The following DLG2 variants were observed in gnomAD, a reference collection of about 807,000 sequenced individuals.
The protein encoded by DLG2 is discs large MAGUK scaffold protein 2, also known as disks large homolog 2.
Under a neutral mutation model 132.5 loss-of-function variants are expected in DLG2, and 45 were observed. That is an observed-to-expected ratio of 0.34 (90% CI 0.27 to 0.44). The LOEUF (loss-of-function observed/expected upper bound fraction) is 0.44. Ranked by LOEUF, DLG2 falls within the 20% of genes least tolerant of loss-of-function variation. The probability of loss-of-function intolerance (pLI) is 1.00; values close to 1 mark genes in which losing one functional copy is unlikely to be tolerated. For synonymous variants in DLG2, 424 were observed against 419.6 expected (o/e 1.01, Z -0.13); for missense variants, 1,045 against 1,196.9 (o/e 0.87, Z 1.87).
chr11:85,130,633 A>C (rs2075620140), intron 5 of DLG2, among the ~76,000 whole-genome samples: 1 of 152,204 alleles, frequency 6.6e-6, no homozygotes, highest in Non-Finnish European at 1.5e-5. Context: ...GCAATAATTG[A>C]AGACAGCACC....
chr11:84,345,557 G>T (rs1309343690), intron 7 of DLG2, among the ~76,000 whole-genome samples: 1 of 152,156 alleles, frequency 6.6e-6, no homozygotes, highest in African/African-American at 2.4e-5. Flanking sequence ...CCAAGAGAAA[G>T]AGTCACATGA....
At chr11:84,869,792 G>A (rs568289569) in intron 6 of DLG2, among the ~76,000 whole-genome samples, 6 of 152,312 alleles carry the variant, frequency 3.9e-5, no homozygotes, top group Admixed American at 1.3e-4. Flanking sequence ...GGTAGAGGAC[G>A]AATAGGCAGT....
At chr11:83,715,024 T>C (rs2086362260) in intron 18 of DLG2, among the ~76,000 whole-genome samples, 1 of 152,142 alleles carries the variant, frequency 6.6e-6, no homozygotes, top group African/African-American at 2.4e-5. Context: ...ATCCAGTCAA[T>C]GATAGACTGG....
At chr11:85,532,118 C>T (rs191540497) in intron 3 of DLG2, among the ~76,000 whole-genome samples, 3 of 152,172 alleles carry the variant, frequency 2.0e-5, no homozygotes, top group Non-Finnish European at 4.4e-5. Context: ...CATAATCCCT[C>T]GCTTTTCTAG....
At chr11:83,467,810 T>TATAC (rs1414160515) in intron 25 of DLG2, among the ~76,000 whole-genome samples, 172 of 96,232 alleles carry the variant, frequency 1.8e-3, no homozygotes, top group African/African-American at 3.0e-3. Context: ...TATATATATA[T>TATAC]ACACACACAC....
chr11:84,470,999 G>T (rs2099107035), intron 7 of DLG2, among the ~76,000 whole-genome samples: 1 of 151,742 alleles, frequency 6.6e-6, no homozygotes, highest in South Asian at 2.1e-4. Context: ...ACACTGTGCT[G>T]ACTTATACAC....
At chr11:83,907,645 C>T (rs1204779808) in intron 15 of DLG2, among the ~76,000 whole-genome samples, 1 of 151,984 alleles carries the variant, frequency 6.6e-6, no homozygotes, top group Non-Finnish European at 1.5e-5. Flanking sequence ...CAGTGCTGGC[C>T]CATCAACATG....
intron 6 of DLG2, among the ~76,000 whole-genome samples, chr11:85,061,778 A>C (rs913819711): frequency 1.3e-5 from 2 of 151,900 alleles, no homozygotes; most frequent in African/African-American, 4.8e-5. Flanking sequence ...GAAATGTTAG[A>C]AAGTCTATCA....
intron 3 of DLG2, among the ~76,000 whole-genome samples, chr11:85,359,105 T>C (rs748223653): frequency 2.0e-5 from 3 of 152,230 alleles, no homozygotes; most frequent in Non-Finnish European, 4.4e-5. Context: ...GCAAAGACAT[T>C]GTTATCACAC....
intron 6 of DLG2, chr11:84,887,484 CA>C (rs1263948322): frequency 1.3e-5 from 2 of 152,108 alleles, no homozygotes; most frequent in Non-Finnish European, 2.9e-5. Flanking sequence ...AAGCTCATAA[CA>C]ACTGACATGC....
At chr11:83,601,599 C>CCT (rs1158516302) in intron 19 of DLG2, among the ~76,000 whole-genome samples, 2 of 135,558 alleles carry the variant, frequency 1.5e-5, no homozygotes, top group East Asian at 4.9e-4. Context: ...GCAACCTCTG[C>CCT]CTCCCAGGCT....
chr11:84,076,749 C>T (rs931202320), intron 10 of DLG2, among the ~76,000 whole-genome samples: 15 of 152,160 alleles, frequency 9.9e-5, no homozygotes, highest in Non-Finnish European at 1.9e-4. Flanking sequence ...AATGTAACAC[C>T]ACACTTCGCC....
chr11:84,792,501 G>A (rs1285028117), intron 6 of DLG2, among the ~76,000 whole-genome samples: 1 of 152,000 alleles, frequency 6.6e-6, no homozygotes, highest in Non-Finnish European at 1.5e-5. Context: ...AGTAGAATTG[G>A]TATTACTTCT....
intron 19 of DLG2, among the ~76,000 whole-genome samples, chr11:83,622,161 C>T (rs1292858383): frequency 1.3e-5 from 2 of 152,164 alleles, no homozygotes; most frequent in Non-Finnish European, 2.9e-5. Flanking sequence ...CTCTTGACCT[C>T]AAGTTATCTG....
chr11:85,543,199 A>G (rs1732532920), intron 3 of DLG2, among the ~76,000 whole-genome samples: 2 of 152,206 alleles, frequency 1.3e-5, no homozygotes, highest in East Asian at 1.9e-4. Context: ...ATTTGTTCTC[A>G]TCGTTCAACT....
chr11:83,583,578 A>G (rs1279916787), intron 19 of DLG2, among the ~76,000 whole-genome samples: 2 of 152,212 alleles, frequency 1.3e-5, no homozygotes, highest in East Asian at 3.8e-4. Context: ...GGTAACTTGC[A>G]GTTGCAAAAT....
At chr11:84,799,561 AC>A (rs1338722303) in intron 6 of DLG2, among the ~76,000 whole-genome samples, 10 of 152,178 alleles carry the variant, frequency 6.6e-5, no homozygotes, top group African/African-American at 2.2e-4. Flanking sequence ...TGTTCCTCTT[AC>A]GAGGACAATC....
At chr11:83,853,272 C>A (rs2060050524) in intron 16 of DLG2, among the ~76,000 whole-genome samples, 1 of 152,108 alleles carries the variant, frequency 6.6e-6, no homozygotes, top group Non-Finnish European at 1.5e-5. Context: ...GAAACTTTCC[C>A]TCATTCCTCA....
intron 5 of DLG2, among the ~76,000 whole-genome samples, chr11:85,138,956 C>G (rs2076291554): frequency 6.6e-6 from 1 of 152,066 alleles, no homozygotes; most frequent in Non-Finnish European, 1.5e-5. Flanking sequence ...AATTCTTCCT[C>G]CGGGCCTTGA....
Sources: allele counts gnomAD v4.1 joint callset (sites outside exome capture counted in the v4.1 genomes callset), GRCh38; gene constraint gnomAD v4.1.1; transcripts MANE v1.5; gene names NCBI Gene and HGNC (gene_info 2026-07-23, HGNC 2026-07-21).